Variants in CEP350 observed in about 807,000 individuals in gnomAD.
The protein encoded by CEP350 is centrosome-associated protein 350.
Under a neutral mutation model 331.8 loss-of-function variants are expected in CEP350, and 126 were observed. That is an observed-to-expected ratio of 0.38 (90% CI 0.33 to 0.44). The LOEUF (loss-of-function observed/expected upper bound fraction) is 0.44, where lower values mean the gene tolerates loss of function less well. CEP350 is among the 20% of genes least tolerant of loss of function. CEP350 has a pLI of 1.00. For missense variants in CEP350, 3,406 were observed against 3,634.6 expected (o/e 0.94, Z 1.62); for synonymous variants, 1,200 against 1,259.5 (o/e 0.95, Z 1.00).
chr1:180,101,554 C>T (rs563973936), intron 37 of CEP350, among the ~76,000 whole-genome samples: 64 of 152,226 alleles, frequency 4.2e-4, no homozygotes, highest in African/African-American at 1.4e-3. Flanking sequence ...GTGGACTTTT[C>T]CCCCACACAC....
chr1:179,968,244 T>C (rs1277353824), intron 1 of CEP350, among the ~76,000 whole-genome samples: 1 of 150,648 alleles, frequency 6.6e-6, no homozygotes, highest in African/African-American at 2.5e-5. Context: ...GGCAAGAGAA[T>C]CGCTTGATCC....
intron 30 of CEP350, among the ~76,000 whole-genome samples, chr1:180,082,175 A>T (rs887052002): frequency 2.0e-5 from 3 of 152,220 alleles, no homozygotes; most frequent in Admixed American, 1.3e-4. Flanking sequence ...CCAAGGATTA[A>T]TAATAACATT....
chr1:180,054,075 G>T, intron 24 of CEP350, 141 bp downstream of exon 24: 1 of 644,546 alleles, frequency 1.6e-6, no homozygotes, highest in South Asian at 2.9e-5. Context: ...AGTCATACTT[G>T]ATTTGTATTT....
At chr1:180,011,664 C>T (rs1654666318) in intron 8 of CEP350, among the ~76,000 whole-genome samples, 1 of 151,994 alleles carries the variant, frequency 6.6e-6, no homozygotes, top group Non-Finnish European at 1.5e-5. Context: ...CTGGTTTGTG[C>T]CTTAGTTCTT....
chr1:180,043,772 T>TTGTGTGTG (rs71118428), intron 20 of CEP350, among the ~76,000 whole-genome samples: 6 of 148,542 alleles, frequency 4.0e-5, no homozygotes, highest in African/African-American at 1.2e-4. Context: ...ATTACCATAT[T>TTGTGTGTG]TGTGTGTGTG....
chr1:180,022,684 A>C lies in CEP350; in HGVS notation c.3236-14A>C. The C allele has an allele frequency of 6.2e-7, 1 of 1,603,564 alleles. No individual in the cohort carries two copies. Among genetic ancestry groups the C allele is most frequent in the Non-Finnish European group, 8.5e-7 (1 of 1,175,718 alleles). On this transcript the variant is annotated splice_polypyrimidine_tract_variant and intron_variant, in intron 12 of 37. Transcript: ENST00000367607. ...TTTCGTTTTTAACCATGTTTCAATTATTACTTTTGTCAGGGTTTGAAGACA... is the reference window on the plus strand; with the variant it reads ...TTTCGTTTTTAACCATGTTTCAATTCTTACTTTTGTCAGGGTTTGAAGACA...
At chr1:179,959,548 A>G (rs752967071) in intron 1 of CEP350, among the ~76,000 whole-genome samples, 1 of 152,084 alleles carries the variant, frequency 6.6e-6, no homozygotes, top group Admixed American at 6.5e-5. Context: ...TGAGATTAGG[A>G]GCTTCAGACC....
At position 180,087,724 on chromosome 1, in the gene CEP350, A is replaced by G; in HGVS notation, c.6425+7A>G. The G allele has an allele frequency of 6.7e-7, 1 of 1,497,122 alleles. No individual in the cohort carries two copies. Among genetic ancestry groups the G allele is most frequent in the Non-Finnish European group, 8.9e-7 (1 of 1,122,870 alleles). 92.7% of individuals were successfully genotyped at this position (1,497,122 alleles called of 1,614,324 possible). A position where few individuals can be genotyped will look rare whatever the true frequency, so the allele number is the denominator to read the frequency against. On this transcript the variant is annotated splice_region_variant and intron_variant, in intron 32 of 37. Transcript: ENST00000367607. ...CCCTCACACCACTACACAGGTAGAAATTTTTGATAACTTGTCTGTATTCTG... is the reference window on the plus strand; with the variant it reads ...CCCTCACACCACTACACAGGTAGAAGTTTTTGATAACTTGTCTGTATTCTG...
At chr1:179,973,134 T>C (rs1651581788) in intron 1 of CEP350, among the ~76,000 whole-genome samples, 1 of 152,232 alleles carries the variant, frequency 6.6e-6, no homozygotes, top group Admixed American at 6.5e-5. Context: ...CCCAAAGTGC[T>C]GGGATTACAG....
chr1:180,015,485 C>G (rs968539113), intron 10 of CEP350, among the ~76,000 whole-genome samples: 3 of 152,056 alleles, frequency 2.0e-5, no homozygotes, highest in African/African-American at 4.8e-5. Flanking sequence ...CCGCCCGCCT[C>G]GGCCTCCCAA....
At chr1:180,067,648 C>G (rs556452173) in intron 27 of CEP350, among the ~76,000 whole-genome samples, 1 of 151,772 alleles carries the variant, frequency 6.6e-6, no homozygotes, top group East Asian at 1.9e-4. Context: ...GAGCTCATGC[C>G]GCCATACTCC....
chr1:179,990,653 T>G, intron 4 of CEP350, 32 bp downstream of exon 4: 1 of 1,141,070 alleles, frequency 8.8e-7, no homozygotes, highest in South Asian at 1.5e-5. Context: ...AATATATACA[T>G]ATATTAAATA....
chr1:180,046,728 C>A (rs1430562643), intron 21 of CEP350, among the ~76,000 whole-genome samples: 1 of 152,136 alleles, frequency 6.6e-6, no homozygotes, highest in African/African-American at 2.4e-5. Flanking sequence ...CAGTCCTCAC[C>A]AATGCTTGTT....
At chr1:179,990,730 T>A in intron 4 of CEP350, 109 bp downstream of exon 4, 1 of 550,478 alleles carries the variant, frequency 1.8e-6, no homozygotes, top group East Asian at 3.0e-5. Context: ...AATCTTTTTT[T>A]ATCTTTTGTA....
chr1:180,077,872 G>C (rs936427983), intron 28 of CEP350, among the ~76,000 whole-genome samples: 2 of 151,926 alleles, frequency 1.3e-5, no homozygotes, highest in African/African-American at 4.8e-5. Flanking sequence ...GGTGGCTCAC[G>C]CCTGTAATCC....
intron 14 of CEP350, among the ~76,000 whole-genome samples, chr1:180,029,944 C>G (rs1655906105): frequency 6.6e-6 from 1 of 152,052 alleles, no homozygotes; most frequent in African/African-American, 2.4e-5. Flanking sequence ...GCTTATTTCA[C>G]TTAGCATAAT....
At chr1:179,994,662 C>T (rs930022914) in intron 5 of CEP350, among the ~76,000 whole-genome samples, 2 of 151,952 alleles carry the variant, frequency 1.3e-5, no homozygotes, top group African/African-American at 4.8e-5. Flanking sequence ...CCGTGTTGCC[C>T]AGGCTGGTCT....
chr1:179,960,738 T>A (rs1479452915), intron 1 of CEP350, among the ~76,000 whole-genome samples: 1 of 152,200 alleles, frequency 6.6e-6, no homozygotes, highest in Non-Finnish European at 1.5e-5. Context: ...TAATATCTAG[T>A]AGGTACACAC....
At position 180,020,360 on chromosome 1, in the gene CEP350, T is replaced by G. The variant is rs200742239; in HGVS notation, c.2586T>G (p.Asp862Glu). ...GGTCAGCATGGAACACTGAGTATGA[T>G]GTGCAGCAGGCACCTCAAGAAGATG... The part of the protein sequence containing the change: ...NYGSAWNTEY[D>E]VQQAPQEDGP... Residue 862 changes from aspartate to glutamate, a missense_variant, in exon 12 of 38, where the codon GAT becomes GAG. Transcript: ENST00000367607. 1.2e-6 allele frequency: 2 copies of G among 1,613,740 alleles called. No individual in the cohort carries two copies. The highest frequency in any genetic ancestry group is 1.3e-5 in the African/African-American group (1 of 74,942).
Sources: gnomAD v4.1 joint callset for allele counts (sites outside exome capture counted in the v4.1 genomes callset) on GRCh38, gnomAD v4.1.1 for gene constraint, MANE v1.5 for transcripts, NCBI Gene and HGNC (gene_info 2026-07-23, HGNC 2026-07-21) for gene names.